The following TNS3 variants were observed in gnomAD, a reference collection of about 807,000 sequenced individuals.
The protein encoded by TNS3 is tensin 3, also known as tensin-3.
In TNS3, 45 loss-of-function variants were observed where a neutral mutation model predicts 140.9. That is an observed-to-expected ratio of 0.32 (90% CI 0.25 to 0.41). The LOEUF (loss-of-function observed/expected upper bound fraction) is 0.41, where lower values mean the gene tolerates loss of function less well. Among genes scored for constraint, TNS3 ranks in the 10% least tolerant of loss-of-function variants. The pLI is 1.00. For synonymous variants in TNS3, 815 were observed against 788.4 expected, an observed-to-expected ratio of 1.03 and a Z score of -0.56; for missense variants, 1,716 against 1,906.7, an observed-to-expected ratio of 0.90 and a Z score of 1.86.
intron 3 of TNS3, among the ~76,000 whole-genome samples, chr7:47,501,486 C>G (rs887371082): frequency 6.6e-6 from 1 of 152,174 alleles, no homozygotes; most frequent in Admixed American, 6.5e-5. Flanking sequence ...AGACAGGCCC[C>G]TGCCCTGAGC....
intron 4 of TNS3, among the ~76,000 whole-genome samples, chr7:47,447,951 G>C (rs987975634): frequency 3.9e-5 from 6 of 152,214 alleles, no homozygotes; most frequent in African/African-American, 1.4e-4. Context: ...TGCACATCTG[G>C]GAGCAGAACA....
intron 20 of TNS3, among the ~76,000 whole-genome samples, chr7:47,327,365 C>T (rs1317100637): frequency 6.6e-6 from 1 of 152,154 alleles, no homozygotes; most frequent in African/African-American, 2.4e-5. Context: ...ATTTTAGAAC[C>T]CAGCGCCTGA....
At chr7:47,530,067 A>G (rs1562834423) in intron 1 of TNS3, among the ~76,000 whole-genome samples, 1 of 152,240 alleles carries the variant, frequency 6.6e-6, no homozygotes, top group Non-Finnish European at 1.5e-5. Context: ...TATTTACACT[A>G]AAGAGAAATA....
intron 20 of TNS3, among the ~76,000 whole-genome samples, chr7:47,323,788 C>T (rs755387555): frequency 5.9e-5 from 9 of 151,946 alleles, no homozygotes; most frequent in Non-Finnish European, 7.4e-5. Flanking sequence ...TATGTATATA[C>T]CAAGAGCGAG....
chr7:47,534,669 A>G (rs991179288), intron 1 of TNS3, among the ~76,000 whole-genome samples: 2 of 152,180 alleles, frequency 1.3e-5, no homozygotes, highest in African/African-American at 4.8e-5. Context: ...AAGTATCTAT[A>G]TACATTTAAG....
intron 16 of TNS3, among the ~76,000 whole-genome samples, chr7:47,395,874 A>C (rs1413368347): frequency 6.6e-6 from 1 of 152,134 alleles, no homozygotes; most frequent in Non-Finnish European, 1.5e-5. Flanking sequence ...ATGAAGGAGC[A>C]AGCTTTTCCC....
At chr7:47,495,872 ATC>A (rs1282501068) in intron 3 of TNS3, among the ~76,000 whole-genome samples, 1 of 152,218 alleles carries the variant, frequency 6.6e-6, no homozygotes, top group Non-Finnish European at 1.5e-5. Context: ...TTCCTCCTCC[ATC>A]TCGGCAGAGG....
chr7:47,300,755 G>A (rs192581422), intron 23 of TNS3, among the ~76,000 whole-genome samples: 1 of 152,322 alleles, frequency 6.6e-6, no homozygotes, highest in Admixed American at 6.5e-5. Flanking sequence ...AGGAGGTGCC[G>A]AGGCACTGGG....
At chr7:47,398,361 C>CAAAA (rs530398332) in intron 15 of TNS3, among the ~76,000 whole-genome samples, 24 of 151,048 alleles carry the variant, frequency 1.6e-4, no homozygotes, top group African/African-American at 5.8e-4. Flanking sequence ...ATATAACAAA[C>CAAAA]AAACAAACAA....
intron 1 of TNS3, among the ~76,000 whole-genome samples, chr7:47,567,018 C>T (rs1253922780): frequency 8.2e-6 from 1 of 121,788 alleles, no homozygotes; most frequent in Non-Finnish European, 1.6e-5. Flanking sequence ...GCTACAAAGC[C>T]GGACTCCATC....
intron 3 of TNS3, among the ~76,000 whole-genome samples, chr7:47,498,132 A>G (rs1029006717): frequency 6.6e-6 from 1 of 152,194 alleles, no homozygotes; most frequent in African/African-American, 2.4e-5. Context: ...CTTCTTTCTC[A>G]GGTTAGAACT....
At chr7:47,279,455 C>G (rs1356860620) in intron 30 of TNS3, 1 of 152,888 alleles carries the variant, frequency 6.5e-6, no homozygotes. Flanking sequence ...TTAATCCCGG[C>G]ACTTTGGGAG....
At chr7:47,400,321 C>T in intron 15 of TNS3, 72 bp downstream of exon 15, 1 of 1,252,288 alleles carries the variant, frequency 8.0e-7, no homozygotes, top group Non-Finnish European at 1.2e-6. Context: ...AGTACTACAG[C>T]CCCAGCGTAG....
In TNS3 at chr7:47,407,339, T is replaced by C. The variant is rs115781383; in HGVS notation, c.723+4388A>G. On this transcript the variant is annotated intron_variant, in intron 13 of 30. Coordinates refer to ENST00000311160, the MANE Select transcript of TNS3 (RefSeq NM_022748.12). This position sits in a 1 kb window ranked among gnomAD's most constrained non-coding sequence, Gnocchi z 4.1. ...TCTTGCCGCCGCGCACCTTCTGCCATGCTCAGTTCCACCTGCCCTAGCTAT... is the reference window on the plus strand; with the variant it reads ...TCTTGCCGCCGCGCACCTTCTGCCACGCTCAGTTCCACCTGCCCTAGCTAT... 6.3e-3 allele frequency among the ~76,000 whole-genome samples: 962 copies of C among 152,312 alleles called. 5 individuals carry two copies. The highest frequency in any genetic ancestry group is 0.021 in the African/African-American group (892 of 41,578).
At chr7:47,452,425 A>G (rs1796055085) in intron 4 of TNS3, among the ~76,000 whole-genome samples, 1 of 152,240 alleles carries the variant, frequency 6.6e-6, no homozygotes, top group African/African-American at 2.4e-5. Flanking sequence ...TGCCAGAGAA[A>G]GTACACCCCA....
chr7:47,564,098 G>A (rs1800373128), intron 1 of TNS3, among the ~76,000 whole-genome samples: 1 of 149,714 alleles, frequency 6.7e-6, no homozygotes, highest in Admixed American at 6.8e-5. Flanking sequence ...GGAGGCTGAA[G>A]CAGGAGAATG....
intron 12 of TNS3, among the ~76,000 whole-genome samples, chr7:47,413,548 C>T (rs937894608): frequency 2.0e-5 from 3 of 151,656 alleles, no homozygotes; most frequent in Non-Finnish European, 2.9e-5. Context: ...AAGACAATGC[C>T]GTTTTATAAA....
chr7:47,310,557 A>T (rs1182857965), intron 20 of TNS3, among the ~76,000 whole-genome samples: 1 of 152,172 alleles, frequency 6.6e-6, no homozygotes, highest in Admixed American at 6.5e-5. Flanking sequence ...TAAAAAAATG[A>T]TCATCAATGC....
chr7:47,572,764 T>C (rs759000241), intron 1 of TNS3, among the ~76,000 whole-genome samples: 7 of 151,514 alleles, frequency 4.6e-5, no homozygotes, highest in Non-Finnish European at 8.8e-5. Flanking sequence ...TAGTCCCAGC[T>C]ATGGAGGCTG....
Sources: allele counts gnomAD v4.1 joint callset (sites outside exome capture counted in the v4.1 genomes callset), GRCh38; gene constraint gnomAD v4.1.1; non-coding constraint Gnocchi (gnomAD v3.1); transcripts MANE v1.5; gene names NCBI Gene and HGNC (gene_info 2026-07-23, HGNC 2026-07-21).